The following FAM83B variants were observed in gnomAD, a reference collection of about 807,000 sequenced individuals.
FAM83B encodes the protein protein FAM83B.
In FAM83B, 26 loss-of-function variants were observed where a neutral mutation model predicts 38.8. The observed-to-expected ratio is 0.67, with a 90% CI of 0.49 to 0.93. The LOEUF (loss-of-function observed/expected upper bound fraction) is 0.93, where lower values mean the gene tolerates loss of function less well. Among genes scored for constraint, FAM83B ranks in the 40% least tolerant of loss-of-function variants. FAM83B has a pLI of 0.00. For missense variants in FAM83B, 1,237 were observed against 1,197.3 expected (o/e 1.03, Z -0.49); for synonymous variants, 419 against 423.1 (o/e 0.99, Z 0.12).
chr6:54,905,198 G>A (rs1228039844), intron 2 of FAM83B, among the ~76,000 whole-genome samples: 1 of 152,132 alleles, frequency 6.6e-6, no homozygotes, highest in Non-Finnish European at 1.5e-5. Context: ...GTGCTGTTTG[G>A]AACTGTTGGC....
At chr6:54,888,743 T>TC (rs1772336646) in intron 2 of FAM83B, among the ~76,000 whole-genome samples, 1 of 151,476 alleles carries the variant, frequency 6.6e-6, no homozygotes, top group Non-Finnish European at 1.5e-5. Flanking sequence ...ATTTTTTTTT[T>TC]CTCCTTGACA....
At chr6:54,929,680 A>G (rs2127589375) in intron 4 of FAM83B, among the ~76,000 whole-genome samples, 1 of 152,228 alleles carries the variant, frequency 6.6e-6, no homozygotes, top group Middle Eastern at 3.4e-3. Context: ...AAAAATCATC[A>G]CAGTTGAGGT....
intron 2 of FAM83B, 75 bp downstream of exon 2, chr6:54,870,765 T>A: frequency 7.5e-7 from 1 of 1,327,898 alleles, no homozygotes; most frequent in Non-Finnish European, 1.0e-6. Flanking sequence ...CACAAATATG[T>A]ATGTTAATAA....
chr6:54,905,561 A>G (rs1010879938), intron 2 of FAM83B, among the ~76,000 whole-genome samples: 1 of 152,168 alleles, frequency 6.6e-6, no homozygotes, highest in African/African-American at 2.4e-5. Flanking sequence ...ATTATGAACT[A>G]TCGTCAACAT....
At position 54,940,240 on chromosome 6, in the gene FAM83B, C is replaced by T. The variant is rs1561932423; in HGVS notation, c.1269C>T (p.Leu423=). 2 of 1,614,062 alleles carry T rather than the reference C, an allele frequency of 1.2e-6. No homozygotes were observed. Among genetic ancestry groups the T allele is most frequent in the East Asian group, 4.5e-5 (2 of 44,870 alleles). The change falls in exon 5 of 5, where the codon CTC becomes CTT. Residue 423 remains leucine (L), a synonymous_variant. Coordinates refer to ENST00000306858, the MANE Select transcript of FAM83B (RefSeq NM_001010872.3). ...PGNWKKPSDS[L]SVASSSREGY... Reference sequence around the variant, plus strand: ...ATTGGAAAAAGCCATCTGATAGTCTCAGTGTGGCGTCCTCATCACGGGAAG... The same window carrying T: ...ATTGGAAAAAGCCATCTGATAGTCTTAGTGTGGCGTCCTCATCACGGGAAG...
At chr6:54,905,625 TA>T (rs1772761100) in intron 2 of FAM83B, among the ~76,000 whole-genome samples, 1 of 152,150 alleles carries the variant, frequency 6.6e-6, no homozygotes, top group Non-Finnish European at 1.5e-5. Context: ...TTTGTGTGTG[TA>T]AAAAAGTCTT....
chr6:54,889,119 C>A (rs560213221), intron 2 of FAM83B, among the ~76,000 whole-genome samples: 1 of 152,012 alleles, frequency 6.6e-6, no homozygotes, highest in African/African-American at 2.4e-5. Context: ...TCTATGTATT[C>A]AGTTCTCTGT....
chr6:54,937,079 T>G (rs9370339), intron 4 of FAM83B, among the ~76,000 whole-genome samples: 3,468 of 151,372 alleles, frequency 0.023, 57 homozygotes, highest in Middle Eastern at 0.062. Flanking sequence ...TTTAATTATT[T>G]TCCTGCATTT....
upstream of FAM83B, among the ~76,000 whole-genome samples, chr6:54,846,568 T>A (rs1771136768): frequency 6.6e-6 from 1 of 152,178 alleles, no homozygotes; most frequent in Non-Finnish European, 1.5e-5. Flanking sequence ...TTCCGAGCGC[T>A]TTCTGGCTGT....
At chr6:54,912,894 A>G (rs1772945180) in intron 2 of FAM83B, among the ~76,000 whole-genome samples, 1 of 152,072 alleles carries the variant, frequency 6.6e-6, no homozygotes, top group Non-Finnish European at 1.5e-5. Flanking sequence ...GAGATTAGGT[A>G]GATAGAAATT....
chr6:54,871,206 A>T (rs1406715364), intron 2 of FAM83B, among the ~76,000 whole-genome samples: 1 of 152,160 alleles, frequency 6.6e-6, no homozygotes, highest in African/African-American at 2.4e-5. Flanking sequence ...TTCTAAAGCA[A>T]GATTCTGAGA....
At chr6:54,852,363 C>T (rs960751435) in intron 1 of FAM83B, among the ~76,000 whole-genome samples, 3 of 152,068 alleles carry the variant, frequency 2.0e-5, no homozygotes, top group Non-Finnish European at 4.4e-5. Flanking sequence ...ATTATAATAT[C>T]TTTTTTTGGT....
chr6:54,932,676 C>CTCAGTTT (rs60747241), intron 4 of FAM83B, among the ~76,000 whole-genome samples: 3 of 150,842 alleles, frequency 2.0e-5, no homozygotes, highest in African/African-American at 7.3e-5. Context: ...AGTGAACTCC[C>CTCAGTTT]TCATTTATCT....
At chr6:54,877,285 T>C (rs1772019895) in intron 2 of FAM83B, among the ~76,000 whole-genome samples, 1 of 152,134 alleles carries the variant, frequency 6.6e-6, no homozygotes, top group South Asian at 2.1e-4. Context: ...CATTGAGGCA[T>C]CTTATCAAAA....
At chr6:54,856,731 G>T (rs1771454670) in intron 1 of FAM83B, among the ~76,000 whole-genome samples, 1 of 152,062 alleles carries the variant, frequency 6.6e-6, no homozygotes, top group South Asian at 2.1e-4. Flanking sequence ...CAGTTTCTGG[G>T]GTAACATAAA....
chr6:54,910,543 G>A (rs1419387935), intron 2 of FAM83B, among the ~76,000 whole-genome samples: 1 of 152,150 alleles, frequency 6.6e-6, no homozygotes, highest in African/African-American at 2.4e-5. Context: ...GTGCCAGCAG[G>A]AGAGTAGAAC....
At chr6:54,918,504 A>G (rs2127586512) in intron 2 of FAM83B, among the ~76,000 whole-genome samples, 1 of 152,230 alleles carries the variant, frequency 6.6e-6, no homozygotes, top group South Asian at 2.1e-4. Context: ...GGCAGAAGGG[A>G]AAGCAAACAT....
intron 1 of FAM83B, among the ~76,000 whole-genome samples, chr6:54,859,564 T>C (rs1278272728): frequency 6.6e-6 from 1 of 152,072 alleles, no homozygotes; most frequent in African/African-American, 2.4e-5. Flanking sequence ...GAGGGTAGAG[T>C]ATGATGCATT....
At chr6:54,936,732 G>A (rs770448418) in intron 4 of FAM83B, among the ~76,000 whole-genome samples, 5 of 150,404 alleles carry the variant, frequency 3.3e-5, no homozygotes, top group Non-Finnish European at 7.4e-5. Context: ...TTTTGTGTCT[G>A]AACTGGGAAT....
Sources: gnomAD v4.1 joint callset for allele counts (sites outside exome capture counted in the v4.1 genomes callset) on GRCh38, gnomAD v4.1.1 for gene constraint, MANE v1.5 for transcripts, NCBI Gene and HGNC (gene_info 2026-07-23, HGNC 2026-07-21) for gene names.